The following IQCH variants were observed in gnomAD, a reference collection of about 807,000 sequenced individuals.
The protein encoded by IQCH is IQ domain-containing protein H.
Under a neutral mutation model 117.0 loss-of-function variants are expected in IQCH, and 98 were observed. The observed-to-expected ratio is 0.84, with a 90% CI of 0.71 to 0.99. The LOEUF (loss-of-function observed/expected upper bound fraction) is 0.99, where lower values mean the gene tolerates loss of function less well. Ranked by LOEUF, IQCH falls within the 50% of genes least tolerant of loss-of-function variation. The probability of loss-of-function intolerance (pLI) is 0.00; values close to 1 mark genes in which losing one functional copy is unlikely to be tolerated. For synonymous variants in IQCH, 412 were observed against 448.2 expected (o/e 0.92, Z 1.02); for missense variants, 1,102 against 1,243.8 (o/e 0.89, Z 1.72).
At chr15:67,486,632 A>T (rs1407365611) in intron 18 of IQCH, among the ~76,000 whole-genome samples, 1 of 152,232 alleles carries the variant, frequency 6.6e-6, no homozygotes, top group Non-Finnish European at 1.5e-5. Context: ...TGTGTTAACC[A>T]TAGGTCCCTA....
rs1971445688 is a variant in IQCH at position 67,395,705 on chromosome 15, T to TATTTATTTATTC, written c.1905+153_1905+154insCATTTATTTATT. On this transcript the variant is annotated intron_variant, in intron 13 of 20. Transcript: ENST00000335894. The surrounding 1 kb of genome is among the most constrained non-coding windows in gnomAD (Gnocchi z 4.0). ...TGAGTTGATTTGAGGGAATCTACTT[T>TATTTATTTATTC]ATTTATTTATTTATTTATTTATTTA... 6.0e-6 allele frequency: 1 copy of TATTTATTTATTC among 166,016 alleles called. No homozygotes were observed. Among genetic ancestry groups the TATTTATTTATTC allele is most frequent in the South Asian group, 2.7e-4 (1 of 3,724 alleles). The allele number at this position is 166,016 out of a possible 1,614,324, so 10.3% of individuals were successfully genotyped here.
At chr15:67,263,066 T>G in intron 2 of IQCH, 56 bp from the exon 3 acceptor site, 1 of 905,760 alleles carries the variant, frequency 1.1e-6, no homozygotes, top group Non-Finnish European at 1.8e-6. Flanking sequence ...TGAAGTAAAT[T>G]AGCTGAGTAT....
At position 67,300,054 on chromosome 15, in the gene IQCH, A is replaced by AT. The variant is rs1376978346; in HGVS notation, c.387+20549dup. On this transcript the variant is annotated intron_variant, in intron 4 of 20. Transcript: ENST00000335894. ...TTTTATATTTCTATCATTCCTTTGC[A>AT]TTTTTTTAGCCTCTATGAGGAAGTT... Among the ~76,000 whole-genome samples, 6 of 152,074 alleles carry AT rather than the reference A, an allele frequency of 3.9e-5. No homozygotes were observed. The East Asian group carries it at 1.2e-3, about 29-fold the overall frequency.
chr15:67,308,129 T>C (rs1177141018), intron 4 of IQCH, among the ~76,000 whole-genome samples: 2 of 152,188 alleles, frequency 1.3e-5, no homozygotes, highest in East Asian at 3.9e-4. Flanking sequence ...ATATTCCGCC[T>C]GCTGTAAGCT....
rs111704186 is a variant in IQCH at position 67,291,299 on chromosome 15, G to A, written c.387+11787G>A. 4.6e-3 allele frequency among the ~76,000 whole-genome samples: 699 copies of A among 152,230 alleles called. 7 individuals are homozygous for A. The highest frequency in any genetic ancestry group is 0.016 in the African/African-American group (678 of 41,530). On this transcript the variant is annotated intron_variant, in intron 4 of 20. Transcript: ENST00000335894. ...GAATAAATGCATAGTTTCCCAAATA[G>A]CACAATACCTGGCACATGGTAAAGT...
At chr15:67,340,297 G>A (rs376500220) in intron 5 of IQCH, among the ~76,000 whole-genome samples, 2 of 151,472 alleles carry the variant, frequency 1.3e-5, no homozygotes, top group African/African-American at 2.4e-5. Context: ...GTGTGATGGC[G>A]GGCACCTGTA....
chr15:67,269,016 A>G (rs1368542926), intron 3 of IQCH, among the ~76,000 whole-genome samples: 1 of 145,022 alleles, frequency 6.9e-6, no homozygotes, highest in Non-Finnish European at 1.5e-5. Context: ...TACAAAGTAC[A>G]CTTGCTAAAA....
At position 67,386,642 on chromosome 15, in the gene IQCH, G is replaced by A. The variant is rs1971116343; in HGVS notation, c.1456+1623G>A. ...GAAACAAAGATAATCCAGTCACACT[G>A]GTAAGGCTTGTCACTAGATATTGGC... On this transcript the variant is annotated intron_variant, in intron 11 of 20. Transcript: ENST00000335894. This position sits in a 1 kb window ranked among gnomAD's most constrained non-coding sequence, Gnocchi z 5.0. 2.6e-5 allele frequency among the ~76,000 whole-genome samples: 4 copies of A among 152,176 alleles called. No individual in the cohort carries two copies. Among genetic ancestry groups the A allele is most frequent in the South Asian group, 2.1e-4 (1 of 4,820 alleles).
chr15:67,487,206 G>A (rs1460533911), intron 18 of IQCH, among the ~76,000 whole-genome samples: 2 of 152,134 alleles, frequency 1.3e-5, no homozygotes, highest in Non-Finnish European at 2.9e-5. Context: ...GGTGCCATGC[G>A]CCTGTAGTCC....
In IQCH at chr15:67,387,518, G is replaced by T. The variant is rs1415042632; in HGVS notation, c.1457-1313G>T. The stretch of plus-strand genomic sequence containing the variant: ...CTTGGAAAGACAAGATTAATAGATT[G>T]GAAACAATAGGATAGAACCACAGAG... On this transcript the variant is annotated intron_variant, in intron 11 of 20. Transcript: ENST00000335894. This position sits in a 1 kb window ranked among gnomAD's most constrained non-coding sequence, Gnocchi z 4.8. 3.9e-5 allele frequency among the ~76,000 whole-genome samples: 6 copies of T among 152,006 alleles called. No individual in the cohort carries two copies. Among genetic ancestry groups the T allele is most frequent in the African/African-American group, 1.2e-4 (5 of 41,358 alleles).
At chr15:67,362,837 A>C (rs1023676565) in intron 8 of IQCH, among the ~76,000 whole-genome samples, 3 of 152,266 alleles carry the variant, frequency 2.0e-5, no homozygotes, top group Non-Finnish European at 4.4e-5. Context: ...TCGAGGCTTT[A>C]AAATGTATAC....
intron 14 of IQCH, among the ~76,000 whole-genome samples, chr15:67,415,327 G>A (rs550771804): frequency 3.9e-5 from 6 of 152,264 alleles, no homozygotes; most frequent in Admixed American, 3.9e-4. Flanking sequence ...CTGCATGAAC[G>A]CTTCCCCAGC....
Position 67,400,112 on chromosome 15 carries a change from A to C in IQCH, c.1906-2A>C. 2 of 1,612,950 alleles carry C rather than the reference A, an allele frequency of 1.2e-6. No homozygotes were observed. The highest frequency in any genetic ancestry group is 1.7e-6 in the Non-Finnish European group (2 of 1,179,184). On this transcript the variant is annotated splice_acceptor_variant, in intron 13 of 20. Coordinates refer to ENST00000335894, the MANE Select transcript of IQCH (RefSeq NM_001031715.3). LOFTEE classifies it high-confidence loss of function. ...AATGCAGCTGTGTCTTTGGCCTCAC[A>C]GATGATAGAGCAGCTGAGTCAGCTG...
chr15:67,284,487 G>A (rs1259291868), intron 4 of IQCH, among the ~76,000 whole-genome samples: 2 of 152,198 alleles, frequency 1.3e-5, no homozygotes, highest in African/African-American at 2.4e-5. Context: ...TAAGTTCAGG[G>A]GTACATGTGC....
rs573103533 is a variant in IQCH at position 67,285,707 on chromosome 15, G to C, written c.387+6195G>C. ...ATCCCAGCATCATTTATTGAATAGG[G>C]AATCCTTTCCCTGTTGCCTTTTTTT... On this transcript the variant is annotated intron_variant, in intron 4 of 20. Transcript: ENST00000335894. Among the ~76,000 whole-genome samples, 106 of 152,242 alleles carry C rather than the reference G, an allele frequency of 7.0e-4. 1 individual carries two copies. The highest frequency in any genetic ancestry group is 2.1e-3 in the African/African-American group (89 of 41,560).
At chr15:67,470,145 T>C (rs2083033609) in intron 17 of IQCH, among the ~76,000 whole-genome samples, 1 of 152,218 alleles carries the variant, frequency 6.6e-6, no homozygotes, top group Admixed American at 6.5e-5. Context: ...GGACCGGATG[T>C]TCATAGAGGA....
At position 67,366,721 on chromosome 15, in the gene IQCH, A is replaced by G. The variant is rs1970344935; in HGVS notation, c.754-5390A>G. Reference sequence around the variant, plus strand: ...ATTGGCACTTAAGGATTACTTAGACAGTTTCTAGATATTATGAACTGAGAG... The same window carrying G: ...ATTGGCACTTAAGGATTACTTAGACGGTTTCTAGATATTATGAACTGAGAG... On this transcript the variant is annotated intron_variant, in intron 8 of 20. Transcript: ENST00000335894. The surrounding 1 kb of genome is among the most constrained non-coding windows in gnomAD (Gnocchi z 4.4). 6.6e-6 allele frequency among the ~76,000 whole-genome samples: 1 copy of G among 152,146 alleles called. No homozygotes were observed. The highest frequency in any genetic ancestry group is 2.1e-4 in the South Asian group (1 of 4,828).
At chr15:67,331,071 T>G (rs1271032988) in intron 4 of IQCH, among the ~76,000 whole-genome samples, 1 of 152,202 alleles carries the variant, frequency 6.6e-6, no homozygotes, top group Non-Finnish European at 1.5e-5. Context: ...GTAGAATGTC[T>G]GGACAGAGCT....
In IQCH at chr15:67,364,090, G is replaced by A. The variant is rs980952845; in HGVS notation, c.753+4205G>A. Among the ~76,000 whole-genome samples, 27 of 152,264 alleles carry A rather than the reference G, an allele frequency of 1.8e-4. No homozygotes were observed. The highest frequency in any genetic ancestry group is 6.3e-4 in the African/African-American group (26 of 41,560). On this transcript the variant is annotated intron_variant, in intron 8 of 20. Transcript: ENST00000335894. This position sits in a 1 kb window ranked among gnomAD's most constrained non-coding sequence, Gnocchi z 4.1. ...ATATACCCAATAAGGGGATTGCTGG[G>A]TCGAGTGGTAATTCTGTTTTAAGTT...
Sources: allele counts gnomAD v4.1 joint callset (sites outside exome capture counted in the v4.1 genomes callset), GRCh38; gene constraint gnomAD v4.1.1; non-coding constraint Gnocchi (gnomAD v3.1); transcripts MANE v1.5; gene names NCBI Gene and HGNC (gene_info 2026-07-23, HGNC 2026-07-21).